CLIP1: variants seen among roughly 807,000 people sequenced by gnomAD.
CLIP1 encodes CAP-Gly domain-containing linker protein 1.
A neutral mutation model predicts 161.6 loss-of-function variants in CLIP1; 66 were observed. The observed-to-expected ratio is 0.41, with a 90% CI of 0.33 to 0.50. The LOEUF is 0.50. CLIP1 is among the 20% of genes least tolerant of loss of function. CLIP1 has a pLI of 0.27. For synonymous variants in CLIP1, 598 were observed against 626.2 expected, an observed-to-expected ratio of 0.96 and a Z score of 0.67; for missense variants, 1,376 against 1,702.0, an observed-to-expected ratio of 0.81 and a Z score of 3.37.
chr12:122,349,988 T>C (rs942369649), intron 9 of CLIP1, among the ~76,000 whole-genome samples: 2 of 151,878 alleles, frequency 1.3e-5, no homozygotes, highest in Non-Finnish European at 2.9e-5. Context: ...CACTGCAACC[T>C]CTGCCTCCTG....
Position 122,334,052 on chromosome 12 carries a change from C to T in CLIP1, c.2685G>A (p.Leu895=), listed in dbSNP as rs1341190190. 1.9e-6 allele frequency: 3 copies of T among 1,612,928 alleles called. No homozygotes were observed. Among genetic ancestry groups the T allele is most frequent in the Non-Finnish European group, 8.5e-7 (1 of 1,178,952 alleles). ...EEQFNMLSSD[L]EKLRENLADM... is the part of the protein sequence containing the mutation. ...CTGCTAAGTTTTCTCTCAGCTTCTC[C>T]AAGTCAGAAGACAGCATGTTAAACT... Residue 895 remains leucine (L), a synonymous_variant, in exon 14 of 26, where the codon TTG becomes TTA. Coordinates refer to ENST00000620786, the MANE Select transcript of CLIP1 (RefSeq NM_001247997.2).
intron 1 of CLIP1, among the ~76,000 whole-genome samples, chr12:122,417,851 T>A (rs1484882770): frequency 6.6e-6 from 1 of 152,150 alleles, no homozygotes; most frequent in African/African-American, 2.4e-5. Flanking sequence ...CAAATACATA[T>A]TTTAAGGACT....
chr12:122,404,235 C>A (rs1347341321), intron 1 of CLIP1, among the ~76,000 whole-genome samples: 2 of 152,196 alleles, frequency 1.3e-5, no homozygotes, highest in Non-Finnish European at 2.9e-5. Flanking sequence ...GCGAGATTCA[C>A]TGGACAGAAT....
At chr12:122,319,010 C>A (rs906046077) in intron 18 of CLIP1, among the ~76,000 whole-genome samples, 2 of 152,200 alleles carry the variant, frequency 1.3e-5, no homozygotes, top group Non-Finnish European at 2.9e-5. Flanking sequence ...TAAACAGTCA[C>A]CTTAGCCACA....
At chr12:122,381,435 C>G (rs562539956) in intron 1 of CLIP1, among the ~76,000 whole-genome samples, 11 of 152,262 alleles carry the variant, frequency 7.2e-5, no homozygotes, top group African/African-American at 2.6e-4. Flanking sequence ...CTGGTTTACT[C>G]AAGACCAGAT....
chr12:122,364,674 G>C, intron 3 of CLIP1: 3 of 449,630 alleles, frequency 6.7e-6, no homozygotes, highest in Non-Finnish European at 1.3e-5. Context: ...CAAAGTGTTG[G>C]GATTACAGGC....
Position 122,320,145 on chromosome 12 carries a change from G to A in CLIP1, c.3250-797C>T, listed in dbSNP as rs976437327. 2.6e-5 allele frequency among the ~76,000 whole-genome samples: 4 copies of A among 152,016 alleles called. No homozygotes were observed. In the East Asian group the frequency reaches 5.8e-4, roughly 22 times the overall value. ...AAAAACTAGCTGGCCGTGGTGGCGG[G>A]TGCCTGTAGCTACTTGGGAGGTGGG... is the stretch of plus-strand genomic sequence containing the variant. On this transcript the variant is annotated intron_variant, in intron 17 of 25. Coordinates refer to ENST00000620786, the MANE Select transcript of CLIP1 (RefSeq NM_001247997.2).
In CLIP1 at chr12:122,273,097, A is replaced by G; in HGVS notation, c.4095T>C (p.Asp1365=). ...TCTTCTTGGACTGTTTCTCCTGATC[A>G]TCACTACAAATGTTAATGTGTGAAA... The part of the protein sequence containing the change: ...NGDDLNNYDS[D]DQEKQSKKKP... The change falls in exon 26 of 26, where the codon GAT becomes GAC. Residue 1365 remains aspartate (D), a synonymous_variant. Transcript: ENST00000620786. 1.2e-6 allele frequency: 2 copies of G among 1,613,364 alleles called. No individual in the cohort carries two copies. The highest frequency in any genetic ancestry group is 1.1e-5 in the South Asian group (1 of 91,026).
intron 1 of CLIP1, among the ~76,000 whole-genome samples, chr12:122,401,447 C>G (rs1292620504): frequency 6.6e-6 from 1 of 152,018 alleles, no homozygotes; most frequent in Admixed American, 6.6e-5. Context: ...GGGCAGATCA[C>G]TTGAGGTCAG....
chr12:122,385,858 G>C (rs1955233331), intron 1 of CLIP1, among the ~76,000 whole-genome samples: 1 of 152,204 alleles, frequency 6.6e-6, no homozygotes, highest in Non-Finnish European at 1.5e-5. Context: ...AGTATCTTCA[G>C]AGGCCATCCA....
chr12:122,316,657 C>G, intron 19 of CLIP1, 92 bp downstream of exon 19: 1 of 802,048 alleles, frequency 1.2e-6, no homozygotes, highest in Non-Finnish European at 1.9e-6. Flanking sequence ...ACTTTATGTA[C>G]TTCTCAAATA....
chr12:122,414,818 G>A (rs1389579464), intron 1 of CLIP1, among the ~76,000 whole-genome samples: 2 of 152,024 alleles, frequency 1.3e-5, no homozygotes, highest in East Asian at 3.9e-4. Flanking sequence ...AGAGTGCATT[G>A]TAACTCAAAT....
At chr12:122,302,202 G>A (rs1364509413) in intron 20 of CLIP1, among the ~76,000 whole-genome samples, 1 of 152,178 alleles carries the variant, frequency 6.6e-6, no homozygotes, top group Non-Finnish European at 1.5e-5. Context: ...CTGGGTTCAG[G>A]CGATTCTCCT....
intron 23 of CLIP1, 35 bp downstream of exon 23, chr12:122,278,757 G>A (rs947228632): frequency 3.9e-6 from 6 of 1,541,646 alleles, no homozygotes; most frequent in African/African-American, 1.4e-5. Context: ...GAGGACGCGG[G>A]GTGTACAGAG....
chr12:122,403,209 T>C (rs1202157427), intron 1 of CLIP1, among the ~76,000 whole-genome samples: 2 of 152,080 alleles, frequency 1.3e-5, no homozygotes, highest in Non-Finnish European at 2.9e-5. Flanking sequence ...GTTCTTAGCA[T>C]AGAAAAGGAA....
chr12:122,297,243 G>A (rs1950510204), intron 20 of CLIP1, among the ~76,000 whole-genome samples: 1 of 152,142 alleles, frequency 6.6e-6, no homozygotes, highest in Admixed American at 6.5e-5. Flanking sequence ...GCTACGCTAA[G>A]AAAAATAGTA....
At chr12:122,295,031 G>C (rs1026683585) in intron 20 of CLIP1, among the ~76,000 whole-genome samples, 1 of 151,358 alleles carries the variant, frequency 6.6e-6, no homozygotes, top group Non-Finnish European at 1.5e-5. Context: ...ACTCCAGCCT[G>C]GGAGACAGAG....
intron 20 of CLIP1, among the ~76,000 whole-genome samples, chr12:122,299,236 T>A (rs1950583738): frequency 6.6e-6 from 1 of 152,120 alleles, no homozygotes. Context: ...ACTCTGGCAG[T>A]CATTTCCAGG....
In CLIP1 at chr12:122,377,618, G is replaced by A. The variant is rs1367214585; in HGVS notation, c.428C>T (p.Ser143Phe). Residue 143 changes from serine to phenylalanine, a missense_variant, in exon 3 of 26, where the codon TCC becomes TTC. Around this residue, in one of 6 missense-constraint regions of CLIP1, gnomAD observed 119 missense variants for 112.0 expected, o/e 1.06. Transcript: ENST00000620786. ...AGTGCACAGCGGTGAAGTAGCTCGG[G>A]AGGCGGGCGTTGTCTGCAGGCCATT... is the stretch of plus-strand genomic sequence containing the variant. ...EANGLQTTPA[S>F]RATSPLCTST... The A allele has an allele frequency of 1.2e-6, 2 of 1,613,798 alleles. No individual in the cohort carries two copies. The highest frequency in any genetic ancestry group is 2.2e-5 in the East Asian group (1 of 44,842).
Sources: allele counts gnomAD v4.1 joint callset (sites outside exome capture counted in the v4.1 genomes callset), GRCh38; gene constraint gnomAD v4.1.1; regional missense constraint gnomAD v4.1.1; transcripts MANE v1.5; gene names NCBI Gene and HGNC (gene_info 2026-07-23, HGNC 2026-07-21).